Variants in CAMTA2 observed in about 807,000 individuals in gnomAD.
CAMTA2 encodes the protein calmodulin-binding transcription activator 2.
CAMTA2 carries 56 observed loss-of-function variants against 135.7 expected under a neutral mutation model. That is an observed-to-expected ratio of 0.41 (90% confidence interval 0.33 to 0.52). The LOEUF (loss-of-function observed/expected upper bound fraction) is 0.52, where lower values mean the gene tolerates loss of function less well. Ranked by LOEUF, CAMTA2 falls within the 20% of genes least tolerant of loss-of-function variation. The pLI, the probability that CAMTA2 is intolerant of heterozygous loss-of-function variation, is 0.16. For synonymous variants in CAMTA2, 591 were observed against 604.6 expected, an observed-to-expected ratio of 0.98 and a Z score of 0.33; for missense variants, 1,358 against 1,553.4, an observed-to-expected ratio of 0.87 and a Z score of 2.11.
rs1398735920 is a variant in CAMTA2 at position 4,968,891 on chromosome 17, G to C, written c.3545+16C>G. ...GGGTGGCAACGCAAAAGCCCAGGGG[G>C]AGAAGGGATGAGTACCTGTGTCGGC... On this transcript the variant is annotated intron_variant, in intron 22 of 22. Coordinates refer to ENST00000348066, the MANE Select transcript of CAMTA2 (RefSeq NM_015099.4). 4 of 1,613,766 alleles carry C rather than the reference G, an allele frequency of 2.5e-6. No homozygotes were observed. Among genetic ancestry groups the C allele is most frequent in the East Asian group, 4.5e-5 (2 of 44,882 alleles).
rs372428242 is a variant in CAMTA2 at position 4,973,658 on chromosome 17, G to A, written c.2128C>T (p.Arg710Trp). The A allele has an allele frequency of 1.7e-5, 28 of 1,614,092 alleles. No individual in the cohort carries two copies. Among genetic ancestry groups the A allele is most frequent in the African/African-American group, 1.2e-4 (9 of 74,944 alleles). The change falls in exon 13 of 23, where the codon CGG becomes TGG. Residue 710 changes from arginine (R) to tryptophan (W), a missense_variant. Coordinates refer to ENST00000348066, the MANE Select transcript of CAMTA2 (RefSeq NM_015099.4). The part of the protein sequence containing the change: ...PERLAHGSPF[R>W]GMSLLHLAAA... ...GCCAGGTGCAGAAGGCTCATGCCCC[G>A]GAAGGGGCTTCCATGGGCCAGACGT...
At chr17:4,968,866 G>C in intron 22 of CAMTA2, 41 bp downstream of exon 22, 1 of 1,612,050 alleles carries the variant, frequency 6.2e-7, no homozygotes. Context: ...GGATCACGAC[G>C]GGTGGCAACG....
chr17:4,978,944 C>T (rs1972793582), intron 9 of CAMTA2, among the ~76,000 whole-genome samples: 1 of 152,208 alleles, frequency 6.6e-6, no homozygotes, highest in East Asian at 1.9e-4. Context: ...ACTGTACTTC[C>T]TCCTTTTCCT....
At chr17:4,979,044 T>C (rs566462707) in intron 9 of CAMTA2, among the ~76,000 whole-genome samples, 4 of 152,304 alleles carry the variant, frequency 2.6e-5, no homozygotes, top group African/African-American at 9.6e-5. Context: ...GATGTTTCTT[T>C]TCTTCTCCAG....
intron 17 of CAMTA2, 27 bp downstream of exon 17, chr17:4,970,313 C>A: frequency 5.0e-6 from 8 of 1,610,708 alleles, no homozygotes; most frequent in Non-Finnish European, 5.9e-6. Flanking sequence ...TTTGAAGAAT[C>A]TGGAGGCTTT....
At chr17:4,977,020 T>C in intron 11 of CAMTA2, 38 bp downstream of exon 11, 1 of 1,610,102 alleles carries the variant, frequency 6.2e-7, no homozygotes, top group East Asian at 2.2e-5. Context: ...TTAAAGGCTG[T>C]GGGCTGGATA....
At chr17:4,968,849 G>A (rs1384249658) in intron 22 of CAMTA2, 30 bp from the exon 23 acceptor site, 1 of 1,612,458 alleles carries the variant, frequency 6.2e-7, no homozygotes, top group Non-Finnish European at 8.5e-7. Context: ...AGTCAGAGGA[G>A]ACTGGCGGAT....
intron 3 of CAMTA2, among the ~76,000 whole-genome samples, chr17:4,985,348 TA>T (rs1973207431): frequency 5.3e-5 from 8 of 152,372 alleles, no homozygotes; most frequent in Admixed American, 5.2e-4. Context: ...ATGTAAGGAA[TA>T]CTTTACTGGC....
intron 3 of CAMTA2, among the ~76,000 whole-genome samples, chr17:4,984,584 T>C (rs943679210): frequency 6.6e-6 from 1 of 152,206 alleles, no homozygotes; most frequent in Non-Finnish European, 1.5e-5. Flanking sequence ...ACGCATCGTT[T>C]TACTGACAGT....
intron 3 of CAMTA2, among the ~76,000 whole-genome samples, chr17:4,984,355 T>C (rs1193865991): frequency 1.3e-5 from 2 of 152,268 alleles, no homozygotes; most frequent in Non-Finnish European, 2.9e-5. Flanking sequence ...TCCTGCCAGA[T>C]GGATCCATTG....
At chr17:4,979,630 G>A in intron 9 of CAMTA2, 54 bp downstream of exon 9, 1 of 1,289,406 alleles carries the variant, frequency 7.8e-7, no homozygotes, top group Non-Finnish European at 1.1e-6. Context: ...ATTTGTTTTG[G>A]GGAGTCAGAA....
chr17:4,970,282 T>C (rs897252940), intron 17 of CAMTA2, 58 bp downstream of exon 17: 45 of 1,585,496 alleles, frequency 2.8e-5, no homozygotes, highest in Middle Eastern at 1.7e-4. Flanking sequence ...AAGCCAGCTT[T>C]CTCCCTTCCT....
chr17:4,986,049 G>A, intron 2 of CAMTA2, 66 bp from the exon 3 acceptor site: 3 of 1,259,820 alleles, frequency 2.4e-6, no homozygotes, highest in Non-Finnish European at 3.5e-6. Flanking sequence ...AGTCCAAGGG[G>A]AAAGGGCTGA....
In CAMTA2 at chr17:4,986,260, AGGG is replaced by A; in HGVS notation, c.-41_-39del. ...AGGGGGCAAGGTCACCCCCGGCCTG[AGGG>A]GCCGGGGGGAGGGGGAGTCTGTGCT... is the stretch of plus-strand genomic sequence containing the variant. On this transcript the variant is annotated 5_prime_UTR_variant, in exon 2 of 23. Coordinates refer to ENST00000348066, the MANE Select transcript of CAMTA2 (RefSeq NM_015099.4). 1 of 1,509,136 alleles carries A rather than the reference AGGG, an allele frequency of 6.6e-7. No homozygotes were observed. The allele number at this position is 1,509,136 out of a possible 1,614,324, so 93.5% of individuals were successfully genotyped here. A position where few individuals can be genotyped will look rare whatever the true frequency, so the allele number is the denominator to read the frequency against.
chr17:4,980,157 T>C lies in CAMTA2; in HGVS notation c.1165A>G (p.Thr389Ala). The C allele has an allele frequency of 6.3e-7, 1 of 1,583,372 alleles. No individual in the cohort carries two copies. ...RFLNSPQRGQ[T>A]YGGGQGVSPD... ...CTTACTCCCTGCCCCCCTCCATATG[T>C]CTGGCCCCTCTGGGGGCTGTTGAGA... Residue 389 changes from threonine (T) to alanine (A), a missense_variant, in exon 9 of 23, where the codon ACA (threonine) becomes GCA (alanine). Thr to Ala is a moderately conservative substitution (Grantham distance 58). This residue lies in a region of CAMTA2 where 1,077 missense variants were observed against 1,127.5 expected (regional missense o/e 0.96). Transcript: ENST00000348066. The surrounding 1 kb of genome is among the most constrained non-coding windows in gnomAD (Gnocchi z 5.3).
intron 11 of CAMTA2, among the ~76,000 whole-genome samples, chr17:4,976,754 C>T (rs1407312729): frequency 6.6e-6 from 1 of 152,070 alleles, no homozygotes; most frequent in Non-Finnish European, 1.5e-5. Context: ...GTGCATAGCA[C>T]CTATATATTG....
At chr17:4,971,987 C>T (rs1972317820) in intron 16 of CAMTA2, among the ~76,000 whole-genome samples, 2 of 152,174 alleles carry the variant, frequency 1.3e-5, no homozygotes, top group African/African-American at 4.8e-5. Flanking sequence ...CCAAGCCCGG[C>T]CAAATTTTTT....
At chr17:4,976,081 T>C (rs962384794) in intron 11 of CAMTA2, among the ~76,000 whole-genome samples, 2 of 152,252 alleles carry the variant, frequency 1.3e-5, no homozygotes, top group African/African-American at 4.8e-5. Flanking sequence ...TCTTGGCTCA[T>C]TGCAACTTCC....
intron 3 of CAMTA2, chr17:4,983,861 G>A (rs1312667621): frequency 1.3e-5 from 2 of 152,186 alleles, no homozygotes; most frequent in South Asian, 2.1e-4. Context: ...TGGGATTACA[G>A]GCATGAGCCA....
Sources: gnomAD v4.1 joint callset for allele counts (sites outside exome capture counted in the v4.1 genomes callset) on GRCh38, gnomAD v4.1.1 for gene constraint, gnomAD v4.1.1 regional missense constraint, Gnocchi (gnomAD v3.1) non-coding constraint, MANE v1.5 for transcripts, NCBI Gene and HGNC (gene_info 2026-07-23, HGNC 2026-07-21) for gene names.